Variants in PRPF40B observed in about 807,000 individuals in gnomAD.
PRPF40B encodes the protein pre-mRNA processing factor 40B, also known as pre-mRNA-processing factor 40 homolog B.
A neutral mutation model predicts 124.5 loss-of-function variants in PRPF40B; 56 were observed. That is an observed-to-expected ratio of 0.45 (90% CI 0.36 to 0.56). The LOEUF (loss-of-function observed/expected upper bound fraction) is 0.56. PRPF40B is among the 20% of genes least tolerant of loss of function. The probability of loss-of-function intolerance (pLI) is 0.00; values close to 1 mark genes in which losing one functional copy is unlikely to be tolerated. For missense variants in PRPF40B, 1,053 were observed against 1,169.5 expected, an observed-to-expected ratio of 0.90 and a Z score of 1.45; for synonymous variants, 443 against 426.4, an observed-to-expected ratio of 1.04 and a Z score of -0.48.
In PRPF40B at chr12:49,631,795, T is replaced by G; in HGVS notation, c.229-65T>G. ...TGAGATGTCTCAGGACCCTTTGAGG[T>G]ACCCTGTCCCTCCTGTTCCAGCCCT... On this transcript the variant is annotated intron_variant, in intron 3 of 25. Transcript: ENST00000548825. The surrounding 1 kb of genome is among the most constrained non-coding windows in gnomAD (Gnocchi z 4.3). 6.8e-7 allele frequency: 1 copy of G among 1,477,328 alleles called. No homozygotes were observed. The allele number at this position is 1,477,328 out of a possible 1,614,324, so 91.5% of individuals were successfully genotyped here.
At chr12:49,643,195 AC>A in intron 22 of PRPF40B, 27 bp from the exon 23 acceptor site, 1 of 1,613,040 alleles carries the variant, frequency 6.2e-7, no homozygotes, top group Non-Finnish European at 8.5e-7. Flanking sequence ...GAACCTCTGC[AC>A]TGACATGTAT....
At position 49,630,023 on chromosome 12, in the gene PRPF40B, A is replaced by G. The variant is rs1051995525; in HGVS notation, c.4-522A>G. On this transcript the variant is annotated intron_variant, in intron 1 of 25. Coordinates refer to ENST00000548825, the MANE Select transcript of PRPF40B (RefSeq NM_001031698.3). Reference sequence around the variant, plus strand: ...AGGGGAGGAAGCTGGTCATGAAGAGATGAGAATTAGGGAGACAAGCATTTT... The same window carrying G: ...AGGGGAGGAAGCTGGTCATGAAGAGGTGAGAATTAGGGAGACAAGCATTTT... Among the ~76,000 whole-genome samples the G allele has an allele frequency of 2.0e-5, 3 of 152,230 alleles. No individual in the cohort carries two copies. In the South Asian group the frequency reaches 6.2e-4, roughly 32 times the overall value.
chr12:49,631,907 G>A lies in PRPF40B; in HGVS notation c.276G>A (p.Ala92=), dbSNP rs372962598. Residue 92 remains alanine, a synonymous_variant, in exon 4 of 26, where the codon GCG becomes GCA. Coordinates refer to ENST00000548825, the MANE Select transcript of PRPF40B (RefSeq NM_001031698.3). This position sits in a 1 kb window ranked among gnomAD's most constrained non-coding sequence, Gnocchi z 4.3. ...TGATGCCAGGAATGCTGATGCCAGC[G>A]GTGCCTGTCACCGCAGCGGTAAGCA... is the stretch of plus-strand genomic sequence containing the variant. ...PPMMPGMLMP[A]VPVTAATAPG... The A allele has an allele frequency of 6.7e-5, 108 of 1,613,988 alleles. No homozygotes were observed. Among genetic ancestry groups the A allele is most frequent in the East Asian group, 1.3e-4 (6 of 44,896 alleles).
intron 1 of PRPF40B, among the ~76,000 whole-genome samples, chr12:49,624,764 G>C (rs1940546258): frequency 6.6e-6 from 1 of 151,366 alleles, no homozygotes. Flanking sequence ...AGAATCACTT[G>C]AACCCGGGAG....
At position 49,642,160 on chromosome 12, in the gene PRPF40B, T is replaced by C; in HGVS notation, c.1885-75T>C. 2 of 1,611,678 alleles carry C rather than the reference T, an allele frequency of 1.2e-6. No homozygotes were observed. The highest frequency in any genetic ancestry group is 1.7e-6 in the Non-Finnish European group (2 of 1,178,454). On this transcript the variant is annotated intron_variant, in intron 19 of 25. Coordinates refer to ENST00000548825, the MANE Select transcript of PRPF40B (RefSeq NM_001031698.3). The surrounding 1 kb of genome is among the most constrained non-coding windows in gnomAD (Gnocchi z 5.8). ...GAAGCCCAGACCCTAACTTTCCACC[T>C]CCTAAGGTATGCCTGAGTGGGACCT...
At position 49,632,591 on chromosome 12, in the gene PRPF40B, G is replaced by A. The variant is rs774905933; in HGVS notation, c.295-5G>A. 1.1e-5 allele frequency: 17 copies of A among 1,613,512 alleles called. No homozygotes were observed. The highest frequency in any genetic ancestry group is 6.7e-5 in the African/African-American group (5 of 74,888). Reference sequence around the variant, plus strand: ...CAACCCTTCCCCCTCCTCTTTCTTCGGCAGACGGCTCCGGGTGCGGACACC... The same window carrying A: ...CAACCCTTCCCCCTCCTCTTTCTTCAGCAGACGGCTCCGGGTGCGGACACC... On this transcript the variant is annotated splice_region_variant and splice_polypyrimidine_tract_variant and intron_variant, in intron 4 of 25. Coordinates refer to ENST00000548825, the MANE Select transcript of PRPF40B (RefSeq NM_001031698.3).
At chr12:49,624,118 A>T (rs981359293) in intron 1 of PRPF40B, 11 of 985,906 alleles carry the variant, frequency 1.1e-5, no homozygotes, top group African/African-American at 1.7e-5. Flanking sequence ...CCTCTGAAGA[A>T]AGGGGCTCCC....
intron 18 of PRPF40B, chr12:49,639,909 G>C (rs1942375092): frequency 6.6e-6 from 1 of 152,182 alleles, no homozygotes; most frequent in Non-Finnish European, 1.5e-5. Context: ...ATCGTATAAA[G>C]TAGAAATGCC....
intron 1 of PRPF40B, among the ~76,000 whole-genome samples, chr12:49,624,443 G>A (rs2052272987): frequency 6.6e-6 from 1 of 152,180 alleles, no homozygotes; most frequent in South Asian, 2.1e-4. Context: ...CCTGTTGGAG[G>A]GATGGAAGAA....
At chr12:49,637,699 C>A in intron 17 of PRPF40B, 34 bp from the exon 18 acceptor site, 1 of 1,506,418 alleles carries the variant, frequency 6.6e-7, no homozygotes, top group South Asian at 1.2e-5. Flanking sequence ...GGGAAGCTGC[C>A]GCCCGCCAGG....
chr12:49,639,420 G>T (rs1294315470), intron 18 of PRPF40B: 1 of 152,372 alleles, frequency 6.6e-6, no homozygotes, highest in Non-Finnish European at 1.5e-5. Flanking sequence ...AGGGAGAAAA[G>T]TCAGTAGGCT....
chr12:49,629,993 CAGTT>C (rs567987866), intron 1 of PRPF40B, among the ~76,000 whole-genome samples: 197 of 152,250 alleles, frequency 1.3e-3, no homozygotes, highest in South Asian at 0.011. Context: ...AGGATGAGGT[CAGTT>C]AGGGGAGGAA....
Position 49,642,117 on chromosome 12 carries a change from A to AT in PRPF40B, c.1884+95dup. On this transcript the variant is annotated intron_variant, in intron 19 of 25. Coordinates refer to ENST00000548825, the MANE Select transcript of PRPF40B (RefSeq NM_001031698.3). The surrounding 1 kb of genome is among the most constrained non-coding windows in gnomAD (Gnocchi z 5.8). ...CACTGTCCCACTGACTATATTCCCA[A>AT]TTCAGGGGATGGTGGTAGAAGCCCA... is the stretch of plus-strand genomic sequence containing the variant. 6.2e-7 allele frequency: 1 copy of AT among 1,602,946 alleles called. No homozygotes were observed. The highest frequency in any genetic ancestry group is 8.5e-7 in the Non-Finnish European group (1 of 1,172,250).
At chr12:49,639,180 G>C (rs986891423) in intron 18 of PRPF40B, 1 of 152,220 alleles carries the variant, frequency 6.6e-6, no homozygotes, top group African/African-American at 2.4e-5. Context: ...ATGGTGTATA[G>C]TAGAACCTTT....
intron 1 of PRPF40B, among the ~76,000 whole-genome samples, chr12:49,628,946 T>G (rs2138415868): frequency 6.6e-6 from 1 of 152,276 alleles, no homozygotes; most frequent in African/African-American, 2.4e-5. Flanking sequence ...TTGGCAGCAG[T>G]GAGGTACCTT....
intron 16 of PRPF40B, chr12:49,637,094 A>T: frequency 1.6e-6 from 1 of 615,098 alleles, no homozygotes; most frequent in Non-Finnish European, 2.8e-6. Context: ...AGCACCCTAC[A>T]GGCATGACTT....
At chr12:49,641,867 G>A (rs771890161) in intron 18 of PRPF40B, 41 bp from the exon 19 acceptor site, 47 of 1,576,428 alleles carry the variant, frequency 3.0e-5, no homozygotes, top group Non-Finnish European at 3.8e-5. Flanking sequence ...TTTGGCCTCA[G>A]GCACGTGGTG....
chr12:49,639,357 C>T (rs1043960370), intron 18 of PRPF40B: 2 of 152,164 alleles, frequency 1.3e-5, no homozygotes, highest in African/African-American at 2.4e-5. Flanking sequence ...GTACAAAAGT[C>T]CAAGAAGCAC....
chr12:49,633,033 A>G lies in PRPF40B; in HGVS notation c.368A>G (p.His123Arg). 8.5e-7 allele frequency: 1 copy of G among 1,169,800 alleles called. No individual in the cohort carries two copies. Among genetic ancestry groups the G allele is most frequent in the South Asian group, 1.2e-5 (1 of 82,514 alleles). The allele number at this position is 1,169,800 out of a possible 1,614,324, so 72.5% of individuals were successfully genotyped here. A position where few individuals can be genotyped will look rare whatever the true frequency, so the allele number is the denominator to read the frequency against. Residue 123 changes from histidine (H) to arginine (R), a missense_variant, in exon 7 of 26, where the codon CAT becomes CGT. His to Arg is a conservative substitution (Grantham distance 29). Around this residue, in one of 2 missense-constraint regions of PRPF40B, gnomAD observed 895 missense variants for 1,052.2 expected, o/e 0.85. Transcript: ENST00000548825. Reference sequence around the variant, plus strand: ...ACCCAGAGGGCCCTATGGAGTGAGCATGTGGCCCCAGATGGGCGCATCTAC... The same window carrying G: ...ACCCAGAGGGCCCTATGGAGTGAGCGTGTGGCCCCAGATGGGCGCATCTAC... ...TGPPRALWSEHVAPDGRIYYY... is the reference protein window; with the variant it reads ...TGPPRALWSERVAPDGRIYYY...
Sources: gnomAD v4.1 joint callset for allele counts (sites outside exome capture counted in the v4.1 genomes callset) on GRCh38, gnomAD v4.1.1 for gene constraint, gnomAD v4.1.1 regional missense constraint, Gnocchi (gnomAD v3.1) non-coding constraint, MANE v1.5 for transcripts, NCBI Gene and HGNC (gene_info 2026-07-23, HGNC 2026-07-21) for gene names.